TET2: variants seen among roughly 807,000 people sequenced by gnomAD.
The protein encoded by TET2 is methylcytosine dioxygenase TET2.
Under a neutral mutation model 142.9 loss-of-function variants are expected in TET2, and 299 were observed. The observed-to-expected ratio is 2.09, with a 90% CI of 1.90 to 2.30. TET2 has a LOEUF of 2.30. Ranked by LOEUF, TET2 falls within the 30% of genes most tolerant of loss-of-function variation. The pLI, the probability that TET2 is intolerant of heterozygous loss-of-function variation, is 0.00. For synonymous variants in TET2, 819 were observed against 849.0 expected (o/e 0.96, Z 0.61); for missense variants, 2,418 against 2,378.0 (o/e 1.02, Z -0.35).
At chr4:105,167,126 ATC>A (rs1724191617) in intron 1 of TET2, among the ~76,000 whole-genome samples, 1 of 151,672 alleles carries the variant, frequency 6.6e-6, no homozygotes, top group Non-Finnish European at 1.5e-5. Context: ...CATATTTTTC[ATC>A]TGTTTATCTC....
intron 2 of TET2, among the ~76,000 whole-genome samples, chr4:105,227,050 T>G (rs1578656296): frequency 6.6e-6 from 1 of 152,174 alleles, no homozygotes; most frequent in African/African-American, 2.4e-5. Flanking sequence ...TAACAGTGCT[T>G]AGAACCAGTT....
intron 2 of TET2, among the ~76,000 whole-genome samples, chr4:105,225,537 G>A (rs1416049099): frequency 6.6e-6 from 1 of 152,118 alleles, no homozygotes; most frequent in Non-Finnish European, 1.5e-5. Context: ...ACGGCAAGAA[G>A]AAATGAAGTT....
At chr4:105,208,366 C>T (rs1237116390) in intron 2 of TET2, among the ~76,000 whole-genome samples, 2 of 152,072 alleles carry the variant, frequency 1.3e-5, no homozygotes, top group Admixed American at 1.3e-4. Context: ...TGTAAACAAC[C>T]CAAATGGCTA....
intron 2 of TET2, 69 bp downstream of exon 2, chr4:105,190,574 C>G (rs1725727195): frequency 5.9e-6 from 4 of 676,018 alleles, no homozygotes; most frequent in South Asian, 3.2e-5. Flanking sequence ...ATGGTAATCT[C>G]TCTCCCAAAC....
At chr4:105,241,554 A>G in intron 4 of TET2, 125 bp downstream of exon 4, 2 of 1,451,164 alleles carry the variant, frequency 1.4e-6, no homozygotes, top group South Asian at 1.5e-5. Flanking sequence ...AGGCTTAGCT[A>G]TTCTAGGGTT....
At chr4:105,203,540 A>G (rs918651848) in intron 2 of TET2, among the ~76,000 whole-genome samples, 1 of 151,640 alleles carries the variant, frequency 6.6e-6, no homozygotes, top group Non-Finnish European at 1.5e-5. Flanking sequence ...TTTGTATACA[A>G]TACATTACAT....
At chr4:105,249,531 C>T (rs1488042094) in intron 6 of TET2, among the ~76,000 whole-genome samples, 1 of 152,124 alleles carries the variant, frequency 6.6e-6, no homozygotes, top group Non-Finnish European at 1.5e-5. Flanking sequence ...AAACTGTTTT[C>T]CAAAGTAGCT....
At chr4:105,230,132 C>G (rs988946660) in intron 2 of TET2, among the ~76,000 whole-genome samples, 7 of 152,128 alleles carry the variant, frequency 4.6e-5, no homozygotes, top group Non-Finnish European at 1.0e-4. Flanking sequence ...GTGTCCACCT[C>G]CTGGGTTCAG....
chr4:105,274,990 T>A, intron 10 of TET2, 58 bp from the exon 11 acceptor site: 6 of 1,459,234 alleles, frequency 4.1e-6, no homozygotes, highest in Non-Finnish European at 5.4e-6. Context: ...CTAGCCTTCA[T>A]AAAATAATCA....
chr4:105,167,899 C>T (rs1250926782), intron 1 of TET2, among the ~76,000 whole-genome samples: 2 of 152,130 alleles, frequency 1.3e-5, no homozygotes, highest in African/African-American at 2.4e-5. Context: ...CGTAATCTTG[C>T]CTAGCTTTAA....
chr4:105,228,950 A>G (rs575672730), intron 2 of TET2, among the ~76,000 whole-genome samples: 4 of 152,314 alleles, frequency 2.6e-5, no homozygotes, highest in East Asian at 1.9e-4. Context: ...TACTTGTTCA[A>G]TAGAAACATA....
chr4:105,192,197 ATAACT>A (rs905612833), intron 2 of TET2, among the ~76,000 whole-genome samples: 2 of 152,090 alleles, frequency 1.3e-5, no homozygotes, highest in African/African-American at 4.8e-5. Context: ...AAATTATAAG[ATAACT>A]TAAAAAAAAA....
chr4:105,163,852 A>T (rs62331155), intron 1 of TET2, among the ~76,000 whole-genome samples: 10,139 of 104,234 alleles, frequency 0.097, 486 homozygotes, highest in African/African-American at 0.19. Flanking sequence ...AGAGAGAGAG[A>T]GAGTGTGTGT....
intron 2 of TET2, among the ~76,000 whole-genome samples, chr4:105,217,671 G>A (rs912895260): frequency 1.3e-5 from 2 of 152,006 alleles, no homozygotes; most frequent in Admixed American, 6.6e-5. Context: ...AAAAAAATAA[G>A]TTTTCTTGCT....
chr4:105,272,317 C>T (rs888847582), intron 9 of TET2, among the ~76,000 whole-genome samples: 8 of 152,168 alleles, frequency 5.3e-5, no homozygotes, highest in African/African-American at 1.9e-4. Flanking sequence ...CCACAGCTAA[C>T]TGTTCCTGAT....
At chr4:105,260,344 T>G (rs1046128195) in intron 7 of TET2, among the ~76,000 whole-genome samples, 3 of 152,140 alleles carry the variant, frequency 2.0e-5, no homozygotes, top group Non-Finnish European at 4.4e-5. Context: ...TTTAACAACT[T>G]TTGGGTGGCA....
intron 6 of TET2, among the ~76,000 whole-genome samples, chr4:105,245,229 T>C (rs183893225): frequency 6.6e-6 from 1 of 152,374 alleles, no homozygotes; most frequent in East Asian, 1.9e-4. Flanking sequence ...AAAAATTTTA[T>C]GGTGTGTACC....
intron 6 of TET2, among the ~76,000 whole-genome samples, chr4:105,255,553 C>T (rs969240874): frequency 6.6e-6 from 1 of 152,082 alleles, no homozygotes; most frequent in African/African-American, 2.4e-5. Flanking sequence ...CTTCTATCTA[C>T]TTTTAGCCAT....
intron 8 of TET2, among the ~76,000 whole-genome samples, chr4:105,267,287 T>C (rs1409393401): frequency 6.6e-6 from 1 of 151,572 alleles, no homozygotes; most frequent in Non-Finnish European, 1.5e-5. Context: ...CAGACAGAAA[T>C]CCAGATCAAC....
Sources: allele counts gnomAD v4.1 joint callset (sites outside exome capture counted in the v4.1 genomes callset), GRCh38; gene constraint gnomAD v4.1.1; transcripts MANE v1.5; gene names NCBI Gene and HGNC (gene_info 2026-07-23, HGNC 2026-07-21).